Variants in POU2F3 observed in about 807,000 individuals in gnomAD.
POU2F3 encodes POU class 2 homeobox 3, also known as POU domain, class 2, transcription factor 3.
A neutral mutation model predicts 59.2 loss-of-function variants in POU2F3; 23 were observed. The observed-to-expected ratio is 0.39, with a 90% confidence interval of 0.28 to 0.55. POU2F3 has a LOEUF of 0.55. POU2F3 is among the 20% of genes least tolerant of loss of function. The pLI is 0.66. For missense variants in POU2F3, 473 were observed against 544.5 expected, an observed-to-expected ratio of 0.87 and a Z score of 1.31; for synonymous variants, 190 against 214.6, an observed-to-expected ratio of 0.89 and a Z score of 1.00.
chr11:120,290,017 G>A (rs1940964695), intron 3 of POU2F3, among the ~76,000 whole-genome samples: 1 of 152,150 alleles, frequency 6.6e-6, no homozygotes, highest in African/African-American at 2.4e-5. Context: ...GAAATGGAAG[G>A]GGAACCTTTA....
chr11:120,254,521 C>T (rs1330410581), intron 2 of POU2F3, among the ~76,000 whole-genome samples: 1 of 152,180 alleles, frequency 6.6e-6, no homozygotes, highest in East Asian at 1.9e-4. Flanking sequence ...GAAGGGCTTG[C>T]CCAGGATGAC....
At position 120,285,487 on chromosome 11, in the gene POU2F3, G is replaced by A. The variant is rs112816535; in HGVS notation, c.133-12778G>A. On this transcript the variant is annotated intron_variant, in intron 3 of 12. Coordinates refer to ENST00000543440, the MANE Select transcript of POU2F3 (RefSeq NM_014352.4). This position sits in a 1 kb window ranked among gnomAD's most constrained non-coding sequence, Gnocchi z 4.3. ...ATCCCTTTTCTGTGTAAATATCCTG[G>A]ATCTGTAAACGATTCCATATGTTAT... Among the ~76,000 whole-genome samples, 3,728 of 152,196 alleles carry A rather than the reference G, an allele frequency of 0.024. 151 individuals carry two copies. The highest frequency in any genetic ancestry group is 0.084 in the African/African-American group (3,469 of 41,490).
At chr11:120,241,712 C>A (rs1318134450) in intron 1 of POU2F3, among the ~76,000 whole-genome samples, 1 of 152,160 alleles carries the variant, frequency 6.6e-6, no homozygotes, top group Non-Finnish European at 1.5e-5. Context: ...GTGGGCTTAG[C>A]AGTGGATGGG....
At position 120,246,525 on chromosome 11, in the gene POU2F3, T is replaced by C. The variant is rs775480379; in HGVS notation, c.97+8T>C. On this transcript the variant is annotated splice_region_variant and intron_variant, in intron 2 of 12. Coordinates refer to ENST00000543440, the MANE Select transcript of POU2F3 (RefSeq NM_014352.4). ...TCAGCCAGGTGGAGCCAGGTAAGGG[T>C]CTTCTCTTCTCGGGGATGGAGGGGG... is the stretch of plus-strand genomic sequence containing the variant. 1.6e-5 allele frequency: 25 copies of C among 1,612,386 alleles called. No individual in the cohort carries two copies. Among genetic ancestry groups the C allele is most frequent in the Non-Finnish European group, 2.0e-5 (23 of 1,179,464 alleles).
intron 3 of POU2F3, among the ~76,000 whole-genome samples, chr11:120,297,967 G>A (rs1451651518): frequency 6.8e-6 from 1 of 147,006 alleles, no homozygotes; most frequent in East Asian, 2.0e-4. Flanking sequence ...GTTTAGAGAC[G>A]AAGTCTTGTT....
chr11:120,301,035 G>A (rs1309753241), intron 5 of POU2F3: 3 of 456,226 alleles, frequency 6.6e-6, no homozygotes. Flanking sequence ...AGTTTAATTT[G>A]TTTTCAGAAG....
At chr11:120,247,092 G>A (rs905857263) in intron 2 of POU2F3, among the ~76,000 whole-genome samples, 13 of 152,032 alleles carry the variant, frequency 8.6e-5, no homozygotes, top group Non-Finnish European at 1.8e-4. Context: ...AGGCTGGACC[G>A]TCCCAAAAAA....
At chr11:120,294,770 C>T (rs995227589) in intron 3 of POU2F3, among the ~76,000 whole-genome samples, 1 of 152,054 alleles carries the variant, frequency 6.6e-6, no homozygotes, top group African/African-American at 2.4e-5. Flanking sequence ...TAATAGAGAC[C>T]GCTGATCAAA....
chr11:120,299,700 T>A lies in POU2F3; in HGVS notation c.335T>A (p.Leu112Gln), dbSNP rs1489304475. 6.2e-7 allele frequency: 1 copy of A among 1,613,434 alleles called. No individual in the cohort carries two copies. The highest frequency in any genetic ancestry group is 1.1e-5 in the South Asian group (1 of 91,078). ...TTACAGTCTGTATCCCAGTTCCTGC[T>A]ATCTCAGACCCAGCCTGGGCAGCAA... is the stretch of plus-strand genomic sequence containing the variant. ...GHLQSVSQFLLSQTQPGQQGL... is the reference protein window; with the variant it reads ...GHLQSVSQFLQSQTQPGQQGL... Residue 112 changes from leucine to glutamine, a missense_variant, in exon 5 of 13, where the codon CTA becomes CAA. Physicochemically the swap from Leu to Gln is moderately radical, Grantham distance 113 (BLOSUM62 -2). Transcript: ENST00000543440.
chr11:120,260,221 C>G (rs569594448), intron 2 of POU2F3, among the ~76,000 whole-genome samples: 10 of 152,364 alleles, frequency 6.6e-5, no homozygotes, highest in Non-Finnish European at 1.2e-4. Context: ...GAATTGCTCC[C>G]CAGGCAAACT....
chr11:120,236,669 G>A (rs1034206899), upstream of POU2F3: 7 of 1,502,532 alleles, frequency 4.7e-6, no homozygotes, highest in African/African-American at 1.4e-5. Context: ...CAAAAAACCG[G>A]TTTCATGGAG....
At chr11:120,246,294 A>G (rs1938872856) in intron 1 of POU2F3, among the ~76,000 whole-genome samples, 155 bp from the exon 2 acceptor site, 1 of 152,144 alleles carries the variant, frequency 6.6e-6, no homozygotes, top group Admixed American at 6.5e-5. Flanking sequence ...CAAGCTTATG[A>G]ATATTCTAAT....
At chr11:120,257,448 C>G (rs546444731) in intron 2 of POU2F3, among the ~76,000 whole-genome samples, 79 of 151,690 alleles carry the variant, frequency 5.2e-4, no homozygotes, top group Non-Finnish European at 1.1e-3. Flanking sequence ...TCGGGGTCAC[C>G]ATACCCTTCA....
At chr11:120,305,292 C>T (rs887387962) in intron 7 of POU2F3, 80 bp downstream of exon 7, 27 of 1,491,920 alleles carry the variant, frequency 1.8e-5, no homozygotes, top group African/African-American at 1.7e-4. Context: ...GTTTCAAGAG[C>T]GACCAGAGGC....
intron 10 of POU2F3, among the ~76,000 whole-genome samples, chr11:120,313,929 G>T (rs183655341): frequency 6.6e-6 from 1 of 152,134 alleles, no homozygotes; most frequent in East Asian, 1.9e-4. Flanking sequence ...CAAAAGAATC[G>T]CTTGAACCCA....
At chr11:120,277,498 A>G (rs1336212614) in intron 3 of POU2F3, among the ~76,000 whole-genome samples, 1 of 148,420 alleles carries the variant, frequency 6.7e-6, no homozygotes, top group Non-Finnish European at 1.5e-5. Context: ...AACATAGGCC[A>G]GGTGCGGTGC....
chr11:120,240,277 G>A lies in POU2F3; in HGVS notation c.-67G>A, dbSNP rs1938603778. 2.4e-6 allele frequency: 3 copies of A among 1,272,098 alleles called. No homozygotes were observed. The South Asian group carries it at 9.9e-5, about 42-fold the overall frequency. 78.8% of individuals were successfully genotyped at this position (1,272,098 alleles called of 1,614,324 possible). A position where few individuals can be genotyped will look rare whatever the true frequency, so the allele number is the denominator to read the frequency against. On this transcript the variant is annotated 5_prime_UTR_variant, in exon 1 of 13. Coordinates refer to ENST00000543440, the MANE Select transcript of POU2F3 (RefSeq NM_014352.4). ...GGAGGAAGGAGACCCTGGCTTCGCA[G>A]GGGCCCCGGCTGGGGCAGAGGCGAG...
intron 1 of POU2F3, among the ~76,000 whole-genome samples, chr11:120,246,198 G>T (rs749695522): frequency 9.9e-5 from 15 of 152,142 alleles, no homozygotes; most frequent in Non-Finnish European, 2.1e-4. Flanking sequence ...GATGCAAAAG[G>T]TGAGAGACCC....
chr11:120,277,199 G>GTGGGTC (rs1940368983), intron 3 of POU2F3, among the ~76,000 whole-genome samples: 1 of 152,050 alleles, frequency 6.6e-6, no homozygotes, highest in African/African-American at 2.4e-5. Flanking sequence ...GCTGAGGCAG[G>GTGGGTC]AAAATCACTT....
Sources: allele counts gnomAD v4.1 joint callset (sites outside exome capture counted in the v4.1 genomes callset), GRCh38; gene constraint gnomAD v4.1.1; non-coding constraint Gnocchi (gnomAD v3.1); transcripts MANE v1.5; gene names NCBI Gene and HGNC (gene_info 2026-07-23, HGNC 2026-07-21).